Variants in AFAP1L2 observed in about 807,000 individuals in gnomAD.
AFAP1L2 encodes the protein actin filament-associated protein 1-like 2.
A neutral mutation model predicts 99.3 loss-of-function variants in AFAP1L2; 46 were observed. The observed-to-expected ratio is 0.46, with a 90% CI of 0.37 to 0.59. AFAP1L2 has a LOEUF of 0.59. Among genes scored for constraint, AFAP1L2 ranks in the 20% least tolerant of loss-of-function variants. The pLI, the probability that AFAP1L2 is intolerant of heterozygous loss-of-function variation, is 0.00. For synonymous variants in AFAP1L2, 397 were observed against 419.1 expected (o/e 0.95, Z 0.64); for missense variants, 959 against 1,034.9 (o/e 0.93, Z 1.01).
chr10:114,311,949 T>C (rs1425252754), intron 7 of AFAP1L2, among the ~76,000 whole-genome samples: 1 of 152,184 alleles, frequency 6.6e-6, no homozygotes, highest in Non-Finnish European at 1.5e-5. Flanking sequence ...CAGCCCCCAC[T>C]GCCAAAGCGC....
intron 1 of AFAP1L2, among the ~76,000 whole-genome samples, chr10:114,385,469 C>T (rs1355889729): frequency 6.6e-6 from 1 of 152,174 alleles, no homozygotes; most frequent in Non-Finnish European, 1.5e-5. Context: ...TCATGTCCAG[C>T]TTGATCAAGC....
In AFAP1L2 at chr10:114,316,078, C is replaced by T. The variant is rs184498607; in HGVS notation, c.407-313G>A. Among the ~76,000 whole-genome samples the T allele has an allele frequency of 2.8e-4, 43 of 152,386 alleles. No homozygotes were observed. The East Asian group carries it at 7.5e-3, about 27-fold the overall frequency. On this transcript the variant is annotated intron_variant, in intron 5 of 18. Transcript: ENST00000304129. ...ACAGAAACCCTGAGAAGACACTGCCCCACAGACCAACTGTTTGCTCTTGAC... is the reference window on the plus strand; with the variant it reads ...ACAGAAACCCTGAGAAGACACTGCCTCACAGACCAACTGTTTGCTCTTGAC...
At chr10:114,289,190 G>A in the AFAP1L2 span, 2 of 1,613,458 alleles carry the variant, frequency 1.2e-6, no homozygotes, top group Non-Finnish European at 1.7e-6. Context: ...GGTGGGGTGG[G>A]CTCAGCCGGC....
chr10:114,360,628 A>G (rs2052251535), intron 1 of AFAP1L2, among the ~76,000 whole-genome samples: 1 of 152,098 alleles, frequency 6.6e-6, no homozygotes, highest in Admixed American at 6.5e-5. Flanking sequence ...TGACTAGTAC[A>G]GAGAGCTTCT....
rs1231968107 is a variant in AFAP1L2 at position 114,296,205 on chromosome 10, C to G, written c.2431-137G>C. On this transcript the variant is annotated intron_variant, in intron 18 of 18. Coordinates refer to ENST00000304129, the MANE Select transcript of AFAP1L2 (RefSeq NM_001001936.3). ...ACAGAGGTGATAAATGTTTCAAACC[C>G]TGTGTGTTCATCACTGCTTAGAGTG... The G allele has an allele frequency of 1.6e-4, 194 of 1,235,306 alleles. 2 individuals carry two copies. The Middle Eastern group carries it at 2.3e-3, about 15-fold the overall frequency. The allele number at this position is 1,235,306 out of a possible 1,614,324, so 76.5% of individuals were successfully genotyped here.
rs1692512948 is a variant in AFAP1L2, at chr10:114,295,691, T to C, written c.*351A>G. 9.5e-7 allele frequency: 1 copy of C among 1,047,426 alleles called. No individual in the cohort carries two copies. The highest frequency in any genetic ancestry group is 5.1e-5 in the Admixed American group (1 of 19,552). The allele number at this position is 1,047,426 out of a possible 1,614,324, so 64.9% of individuals were successfully genotyped here. On this transcript the variant is annotated 3_prime_UTR_variant, in exon 19 of 19. Coordinates refer to ENST00000304129, the MANE Select transcript of AFAP1L2 (RefSeq NM_001001936.3). ...ATAAGACAGGGCCCTGCTTCCTTGA[T>C]TCATCTTCCACCAAAGTCTAAACAG...
At chr10:114,341,983 A>C (rs1420366817) in intron 1 of AFAP1L2, among the ~76,000 whole-genome samples, 1 of 152,228 alleles carries the variant, frequency 6.6e-6, no homozygotes. Flanking sequence ...AAAGGAAAAG[A>C]AGCAAAGTCC....
At chr10:114,302,216 C>T (rs1169093033) in intron 12 of AFAP1L2, 123 bp downstream of exon 12, 2 of 1,391,024 alleles carry the variant, frequency 1.4e-6, no homozygotes, top group Non-Finnish European at 2.0e-6. Flanking sequence ...TCACATTTTC[C>T]TGCTGCTGGG....
At chr10:114,307,469 T>C (rs1344241290) in intron 10 of AFAP1L2, among the ~76,000 whole-genome samples, 1 of 151,834 alleles carries the variant, frequency 6.6e-6, no homozygotes, top group Non-Finnish European at 1.5e-5. Flanking sequence ...GTGCCTGCCA[T>C]CCTTCTGCTT....
At chr10:114,369,527 G>A (rs536150508) in intron 1 of AFAP1L2, among the ~76,000 whole-genome samples, 54 of 150,858 alleles carry the variant, frequency 3.6e-4, no homozygotes, top group South Asian at 2.7e-3. Flanking sequence ...CCCGGGAGGC[G>A]GAGCTTGCAG....
At chr10:114,293,298 A>G (rs900024250), downstream of AFAP1L2, among the ~76,000 whole-genome samples, 2 of 152,234 alleles carry the variant, frequency 1.3e-5, no homozygotes, top group African/African-American at 4.8e-5. Context: ...TAGAAATTAC[A>G]TGAATGCATT....
intron 4 of AFAP1L2, among the ~76,000 whole-genome samples, chr10:114,331,230 T>G (rs2047185700): frequency 6.6e-6 from 1 of 152,216 alleles, no homozygotes; most frequent in Admixed American, 6.5e-5. Flanking sequence ...TTATGAATTT[T>G]TACTTTTCCT....
At chr10:114,290,135 A>G (rs2039422735), downstream of AFAP1L2, 2 of 1,450,838 alleles carry the variant, frequency 1.4e-6, no homozygotes, top group South Asian at 1.4e-5. Context: ...AAAGGGAGAC[A>G]TGACTCTAGT....
At chr10:114,335,423 T>G (rs1056747831) in intron 2 of AFAP1L2, among the ~76,000 whole-genome samples, 1 of 152,102 alleles carries the variant, frequency 6.6e-6, no homozygotes, top group East Asian at 1.9e-4. Flanking sequence ...CCATCCTGGC[T>G]AACATGGTGA....
intron 1 of AFAP1L2, among the ~76,000 whole-genome samples, chr10:114,397,444 C>T (rs572863831): frequency 6.6e-6 from 1 of 152,166 alleles, no homozygotes; most frequent in Non-Finnish European, 1.5e-5. Flanking sequence ...AGTTTTTAAG[C>T]CTTGGACTTT....
At chr10:114,294,732 T>G, downstream of AFAP1L2, 2 of 795,318 alleles carry the variant, frequency 2.5e-6, no homozygotes, top group Middle Eastern at 6.2e-4. Context: ...TAGGATCCCA[T>G]CTTGTAGTTC....
chr10:114,290,333 G>T, downstream of AFAP1L2: 1 of 1,550,596 alleles, frequency 6.4e-7, no homozygotes, highest in Non-Finnish European at 8.7e-7. Context: ...TGCAAGTGTC[G>T]GGATGGCTGG....
At chr10:114,386,761 C>T (rs1298470195) in intron 1 of AFAP1L2, among the ~76,000 whole-genome samples, 1 of 152,242 alleles carries the variant, frequency 6.6e-6, no homozygotes, top group Non-Finnish European at 1.5e-5. Flanking sequence ...GCACACCCAG[C>T]AACGGCACAT....
intron 2 of AFAP1L2, among the ~76,000 whole-genome samples, chr10:114,339,087 T>C (rs2048390655): frequency 1.3e-5 from 2 of 152,224 alleles, no homozygotes; most frequent in African/African-American, 4.8e-5. Context: ...CTCATGGGAA[T>C]GCTCATTAAG....
Sources: gnomAD v4.1 joint callset for allele counts (sites outside exome capture counted in the v4.1 genomes callset) on GRCh38, gnomAD v4.1.1 for gene constraint, MANE v1.5 for transcripts, NCBI Gene and HGNC (gene_info 2026-07-23, HGNC 2026-07-21) for gene names.